RORA: variants seen among roughly 807,000 people sequenced by gnomAD.
RORA encodes the protein RAR related orphan receptor A.
Under a neutral mutation model 69.5 loss-of-function variants are expected in RORA, and 7 were observed. The ratio of observed to expected loss-of-function variants is 0.10; its 90% confidence interval spans 0.06 to 0.19. The LOEUF (loss-of-function observed/expected upper bound fraction) is 0.19, where lower values mean the gene tolerates loss of function less well. RORA is among the 10% of genes least tolerant of loss of function. The pLI, the probability that RORA is intolerant of heterozygous loss-of-function variation, is 1.00. For synonymous variants in RORA, 261 were observed against 240.8 expected (o/e 1.08, Z -0.78); for missense variants, 457 against 663.0 (o/e 0.69, Z 3.41).
At chr15:60,896,209 C>T (rs993585369) in intron 1 of RORA, among the ~76,000 whole-genome samples, 3 of 152,180 alleles carry the variant, frequency 2.0e-5, no homozygotes, top group Admixed American at 1.3e-4. Context: ...CCTGGCAAGG[C>T]CATTTTCCTG....
intron 3 of RORA, among the ~76,000 whole-genome samples, chr15:60,522,311 G>A (rs964740238): frequency 9.8e-5 from 15 of 152,318 alleles, no homozygotes; most frequent in African/African-American, 3.6e-4. Context: ...GAAAGAGCGG[G>A]TCGGGTGGCT....
intron 2 of RORA, chr15:60,593,049 A>C (rs1374555457): frequency 1.9e-5 from 8 of 412,992 alleles, no homozygotes; most frequent in Middle Eastern, 3.4e-4. Context: ...GGTACGGCCC[A>C]CTTCTGGGCC....
intron 1 of RORA, among the ~76,000 whole-genome samples, chr15:60,877,717 T>A (rs1475075661): frequency 8.5e-5 from 13 of 152,164 alleles, no homozygotes; most frequent in Non-Finnish European, 1.6e-4. Flanking sequence ...ATGGAGTTCC[T>A]GACACTTCAC....
At chr15:60,772,882 T>C (rs978280046) in intron 1 of RORA, among the ~76,000 whole-genome samples, 1 of 152,240 alleles carries the variant, frequency 6.6e-6, no homozygotes, top group Non-Finnish European at 1.5e-5. Flanking sequence ...TGGCAGCACA[T>C]TAAAATGTCT....
At chr15:60,992,393 T>C (rs939381546) in intron 1 of RORA, among the ~76,000 whole-genome samples, 4 of 151,358 alleles carry the variant, frequency 2.6e-5, no homozygotes, top group Non-Finnish European at 2.9e-5. Flanking sequence ...ATGCTTGCCA[T>C]AGGATAAAGG....
chr15:60,516,438 G>A (rs2065962065), intron 3 of RORA, among the ~76,000 whole-genome samples: 1 of 147,860 alleles, frequency 6.8e-6, no homozygotes, highest in South Asian at 2.1e-4. Flanking sequence ...TGCAAGCTAG[G>A]GATGTATGCA....
chr15:60,873,086 C>G (rs2140437801), intron 1 of RORA, among the ~76,000 whole-genome samples: 1 of 152,262 alleles, frequency 6.6e-6, no homozygotes, highest in Non-Finnish European at 1.5e-5. Flanking sequence ...TCTTTTGTCT[C>G]TCCCAGTCTC....
intron 1 of RORA, among the ~76,000 whole-genome samples, chr15:60,992,628 T>A (rs1253118347): frequency 6.6e-6 from 1 of 152,166 alleles, no homozygotes; most frequent in Non-Finnish European, 1.5e-5. Flanking sequence ...ACCTCCACGA[T>A]CATCTACTCA....
intron 1 of RORA, among the ~76,000 whole-genome samples, chr15:61,073,980 T>C (rs1414708595): frequency 1.3e-5 from 2 of 152,198 alleles, no homozygotes; most frequent in East Asian, 3.9e-4. Context: ...TTACCACTCA[T>C]AACTGAGCTT....
intron 1 of RORA, among the ~76,000 whole-genome samples, chr15:60,757,888 C>G (rs1299237430): frequency 6.6e-6 from 1 of 152,118 alleles, no homozygotes; most frequent in Non-Finnish European, 1.5e-5. Flanking sequence ...CACCCGTCAC[C>G]CTCAGAATTC....
At chr15:61,008,979 T>C (rs72625740) in intron 1 of RORA, among the ~76,000 whole-genome samples, 17,623 of 152,152 alleles carry the variant, frequency 0.12, 1,200 homozygotes, top group East Asian at 0.21. Context: ...CCACCTCTGA[T>C]AGGATAAACA....
intron 2 of RORA, 104 bp downstream of exon 2, chr15:60,678,553 C>A: frequency 1.1e-6 from 1 of 889,348 alleles, no homozygotes; most frequent in South Asian, 1.4e-5. Flanking sequence ...GACCATGGAT[C>A]ACAGCTGAAA....
intron 2 of RORA, among the ~76,000 whole-genome samples, chr15:60,584,427 C>A (rs1158186747): frequency 1.3e-5 from 2 of 152,226 alleles, no homozygotes; most frequent in Non-Finnish European, 2.9e-5. Flanking sequence ...ACAGAAATCT[C>A]CTTTGTTTTA....
chr15:61,049,784 T>G (rs1413523049), intron 1 of RORA, among the ~76,000 whole-genome samples: 1 of 152,038 alleles, frequency 6.6e-6, no homozygotes, highest in African/African-American at 2.4e-5. Flanking sequence ...CTCAGCCTCC[T>G]GAGTCGCTGG....
chr15:60,791,535 A>G (rs565398226), intron 1 of RORA, among the ~76,000 whole-genome samples: 3 of 152,342 alleles, frequency 2.0e-5, no homozygotes, highest in African/African-American at 7.2e-5. Context: ...TCAGCTCTGG[A>G]TAGCTTGAAC....
chr15:60,846,491 C>T (rs1459222988), intron 1 of RORA, among the ~76,000 whole-genome samples: 1 of 152,166 alleles, frequency 6.6e-6, no homozygotes, highest in Non-Finnish European at 1.5e-5. Context: ...AAACATTCCA[C>T]CCCTTTTTGG....
At chr15:60,801,288 GC>G (rs927871115) in intron 1 of RORA, among the ~76,000 whole-genome samples, 48 of 152,132 alleles carry the variant, frequency 3.2e-4, no homozygotes, top group Admixed American at 6.5e-5. Context: ...TCCTTCGACA[GC>G]TTTATCCCAG....
chr15:60,896,894 C>T (rs985715973), intron 1 of RORA, among the ~76,000 whole-genome samples: 1 of 152,074 alleles, frequency 6.6e-6, no homozygotes, highest in Non-Finnish European at 1.5e-5. Context: ...CTAAGTGGGG[C>T]CTGACACTTG....
intron 1 of RORA, among the ~76,000 whole-genome samples, chr15:60,921,755 G>C (rs987487779): frequency 3.9e-5 from 6 of 152,090 alleles, no homozygotes; most frequent in Non-Finnish European, 8.8e-5. Context: ...TTACCTTTAC[G>C]CTACATCTTC....
Sources: gnomAD v4.1 joint callset for allele counts (sites outside exome capture counted in the v4.1 genomes callset) on GRCh38, gnomAD v4.1.1 for gene constraint, MANE v1.5 for transcripts, NCBI Gene and HGNC (gene_info 2026-07-23, HGNC 2026-07-21) for gene names.